Variants in APBB2 observed in about 807,000 individuals in gnomAD.
APBB2 encodes the protein Fe65-like 1.
In APBB2, 38 loss-of-function variants were observed where a neutral mutation model predicts 82.5. That is an observed-to-expected ratio of 0.46 (90% CI 0.36 to 0.60). The LOEUF (loss-of-function observed/expected upper bound fraction) is 0.60, where lower values mean the gene tolerates loss of function less well. Ranked by LOEUF, APBB2 falls within the 20% of genes least tolerant of loss-of-function variation. The pLI is 0.00. For synonymous variants in APBB2, 341 were observed against 368.2 expected (o/e 0.93, Z 0.85); for missense variants, 772 against 972.3 (o/e 0.79, Z 2.74).
intron 12 of APBB2, among the ~76,000 whole-genome samples, chr4:40,886,245 G>A (rs1460844291): frequency 3.3e-5 from 5 of 152,200 alleles, no homozygotes; most frequent in Admixed American, 2.0e-4. Flanking sequence ...TTGGGAGGCC[G>A]AGGCATGTAG....
At chr4:40,837,902 C>G (rs1754517730) in intron 12 of APBB2, among the ~76,000 whole-genome samples, 4 of 152,074 alleles carry the variant, frequency 2.6e-5, no homozygotes. Context: ...TCATTCCTGT[C>G]TTTTTGGCTG....
intron 10 of APBB2, among the ~76,000 whole-genome samples, chr4:40,907,373 ATATATATTTT>A (rs1471693047): frequency 0.018 from 668 of 37,184 alleles, 2 homozygotes; most frequent in East Asian, 0.077. Context: ...ATATATATAT[ATATATATTTT>A]TTTTTTTTTT....
At chr4:41,030,903 A>G (rs1238490510) in intron 5 of APBB2, among the ~76,000 whole-genome samples, 1 of 152,158 alleles carries the variant, frequency 6.6e-6, no homozygotes, top group Non-Finnish European at 1.5e-5. Flanking sequence ...GGCCAATAGG[A>G]GTTTCAGAGG....
At chr4:40,910,335 T>C (rs1778213360) in intron 10 of APBB2, among the ~76,000 whole-genome samples, 1 of 152,060 alleles carries the variant, frequency 6.6e-6, no homozygotes, top group Non-Finnish European at 1.5e-5. Context: ...TCTTCTGGGC[T>C]CAAGTGATCC....
At chr4:41,101,047 A>G (rs1745154244) in intron 2 of APBB2, among the ~76,000 whole-genome samples, 1 of 152,200 alleles carries the variant, frequency 6.6e-6, no homozygotes, top group Non-Finnish European at 1.5e-5. Flanking sequence ...ACAAAAAGGA[A>G]CCGAGGGAGA....
rs568053477 is a variant in APBB2, at chr4:41,070,724, T to G, written c.-148-5051A>C. On this transcript the variant is annotated intron_variant, in intron 3 of 17. Transcript: ENST00000508593. ...TAGTATGTACCACGTGACATTTTTC[T>G]GAACTGTTAAAAAATAACTTGATCC... is the stretch of plus-strand genomic sequence containing the variant. 3.9e-5 allele frequency among the ~76,000 whole-genome samples: 6 copies of G among 152,210 alleles called. No homozygotes were observed. The South Asian group carries it at 1.0e-3, about 26-fold the overall frequency.
intron 3 of APBB2, among the ~76,000 whole-genome samples, chr4:41,065,974 C>T (rs1449319591): frequency 6.6e-6 from 1 of 152,058 alleles, no homozygotes; most frequent in African/African-American, 2.4e-5. Context: ...GGCAATCTCA[C>T]CTGCGTTTCC....
chr4:40,978,622 C>T (rs1797746345), intron 6 of APBB2, among the ~76,000 whole-genome samples: 1 of 152,162 alleles, frequency 6.6e-6, no homozygotes, highest in African/African-American at 2.4e-5. Flanking sequence ...ATCCAACCGT[C>T]AATCACGAAA....
chr4:41,112,997 AC>A (rs753054108), intron 2 of APBB2, among the ~76,000 whole-genome samples: 16 of 152,148 alleles, frequency 1.1e-4, no homozygotes, highest in Non-Finnish European at 2.4e-4. Flanking sequence ...AAAAAAAAAA[AC>A]AATGTGGTTT....
intron 1 of APBB2, among the ~76,000 whole-genome samples, chr4:41,173,016 C>A (rs1768749939): frequency 2.6e-5 from 4 of 152,206 alleles, no homozygotes; most frequent in Admixed American, 2.6e-4. Flanking sequence ...CCCTCTGCAG[C>A]CTCGCTGTCA....
intron 12 of APBB2, among the ~76,000 whole-genome samples, chr4:40,851,212 C>G (rs997739314): frequency 2.0e-5 from 3 of 152,156 alleles, no homozygotes; most frequent in Non-Finnish European, 2.9e-5. Context: ...GTGACAAACT[C>G]CCAGGGCTGG....
At chr4:41,135,367 G>C (rs921629642) in intron 2 of APBB2, among the ~76,000 whole-genome samples, 1 of 151,988 alleles carries the variant, frequency 6.6e-6, no homozygotes, top group Non-Finnish European at 1.5e-5. Flanking sequence ...GTTGATACTT[G>C]TTTTTTATAA....
chr4:40,905,716 G>A (rs185947832), intron 10 of APBB2, among the ~76,000 whole-genome samples: 1 of 152,192 alleles, frequency 6.6e-6, no homozygotes, highest in African/African-American at 2.4e-5. Context: ...TCACTCCAGT[G>A]GGGGCTGAGA....
At chr4:40,934,551 C>A (rs1050138805) in intron 9 of APBB2, 35 bp from the exon 10 acceptor site, 22 of 1,612,446 alleles carry the variant, frequency 1.4e-5, no homozygotes, top group East Asian at 4.5e-5. Flanking sequence ...ACTTAGAATT[C>A]TATTGCAAAC....
At chr4:40,888,764 A>C (rs929932028) in intron 12 of APBB2, among the ~76,000 whole-genome samples, 15 of 151,852 alleles carry the variant, frequency 9.9e-5, no homozygotes, top group African/African-American at 3.1e-4. Context: ...GTAGTGTCAC[A>C]AGCTCCACAC....
At chr4:40,887,751 G>A (rs1038896907) in intron 12 of APBB2, among the ~76,000 whole-genome samples, 1 of 152,094 alleles carries the variant, frequency 6.6e-6, no homozygotes, top group Non-Finnish European at 1.5e-5. Flanking sequence ...TGCTAGCTAT[G>A]TGGAACCCTC....
At chr4:41,192,342 T>C (rs536064876) in intron 1 of APBB2, among the ~76,000 whole-genome samples, 1 of 152,332 alleles carries the variant, frequency 6.6e-6, no homozygotes, top group East Asian at 1.9e-4. Context: ...TGCAGTGCCA[T>C]GTTCATTGTA....
intron 6 of APBB2, among the ~76,000 whole-genome samples, chr4:40,949,527 G>T (rs1251640473): frequency 6.6e-6 from 1 of 152,112 alleles, no homozygotes; most frequent in Non-Finnish European, 1.5e-5. Context: ...AAGATTTTCA[G>T]AATACTGCAA....
intron 7 of APBB2, 77 bp from the exon 8 acceptor site, chr4:40,935,216 A>G (rs1785106237): frequency 9.9e-7 from 1 of 1,014,120 alleles, no homozygotes; most frequent in South Asian, 1.5e-5. Context: ...AAAAAAAAAC[A>G]CAAGACACTG....
Sources: gnomAD v4.1 joint callset for allele counts (sites outside exome capture counted in the v4.1 genomes callset) on GRCh38, gnomAD v4.1.1 for gene constraint, MANE v1.5 for transcripts, NCBI Gene and HGNC (gene_info 2026-07-23, HGNC 2026-07-21) for gene names.